TRPM3: variants seen among roughly 807,000 people sequenced by gnomAD.
TRPM3 encodes transient receptor potential cation channel subfamily M member 3, also known as long transient receptor potential channel 3.
TRPM3 carries 77 observed loss-of-function variants against 181.2 expected under a neutral mutation model. The observed-to-expected ratio is 0.42, with a 90% CI of 0.35 to 0.51. The LOEUF is 0.51. Among genes scored for constraint, TRPM3 ranks in the 20% least tolerant of loss-of-function variants. The pLI is 0.01. For synonymous variants in TRPM3, 745 were observed against 796.4 expected (o/e 0.94, Z 1.09); for missense variants, 1,759 against 2,196.7 (o/e 0.80, Z 3.98).
At chr9:71,042,528 C>T (rs867325172) in intron 1 of TRPM3, among the ~76,000 whole-genome samples, 3 of 152,010 alleles carry the variant, frequency 2.0e-5, no homozygotes, top group Non-Finnish European at 4.4e-5. Flanking sequence ...GGCAGGAACA[C>T]GCTAAGCTCC....
intron 9 of TRPM3, among the ~76,000 whole-genome samples, chr9:70,676,469 G>A (rs1249428394): frequency 6.6e-6 from 1 of 152,194 alleles, no homozygotes; most frequent in Non-Finnish European, 1.5e-5. Context: ...GCTGATGTAT[G>A]AGGGATGCTG....
intron 1 of TRPM3, among the ~76,000 whole-genome samples, chr9:71,028,744 C>A (rs2134630520): frequency 6.6e-6 from 1 of 152,190 alleles, no homozygotes; most frequent in South Asian, 2.1e-4. Context: ...GGGTTCAATT[C>A]AGCAAGAACT....
At chr9:70,957,512 CT>C (rs1394948368) in intron 1 of TRPM3, among the ~76,000 whole-genome samples, 3 of 152,122 alleles carry the variant, frequency 2.0e-5, no homozygotes, top group Non-Finnish European at 2.9e-5. Flanking sequence ...TGTATCTTTT[CT>C]TTTAAATCCT....
chr9:70,819,294 G>T (rs1347719789), intron 6 of TRPM3, among the ~76,000 whole-genome samples: 1 of 152,088 alleles, frequency 6.6e-6, no homozygotes, highest in Non-Finnish European at 1.5e-5. Flanking sequence ...GTCTCCCAGG[G>T]GAGGCACATA....
upstream of TRPM3, chr9:71,121,704 G>GT (rs2073671999): frequency 1.0e-5 from 10 of 964,124 alleles, no homozygotes; most frequent in South Asian, 3.4e-4. Context: ...TGCTAGCTTG[G>GT]TTTGGGGGGG....
chr9:71,138,958 G>C (rs1045108357), intron 1 of TRPM3, among the ~76,000 whole-genome samples: 2 of 152,094 alleles, frequency 1.3e-5, no homozygotes, highest in African/African-American at 2.4e-5. Flanking sequence ...CTTGTATAAA[G>C]AATGCCTCAT....
chr9:70,562,434 A>G (rs527335111), intron 22 of TRPM3, among the ~76,000 whole-genome samples: 101 of 152,350 alleles, frequency 6.6e-4, no homozygotes, highest in African/African-American at 1.3e-3. Context: ...ACCTGGGGAA[A>G]AAAAGGGACC....
chr9:71,011,776 T>G (rs1399233367), intron 1 of TRPM3, among the ~76,000 whole-genome samples: 1 of 129,948 alleles, frequency 7.7e-6, no homozygotes, highest in Non-Finnish European at 1.6e-5. Flanking sequence ...CATGGTTTTT[T>G]TTTTTGTTTT....
intron 7 of TRPM3, among the ~76,000 whole-genome samples, chr9:70,765,254 C>A (rs544379480): frequency 1.3e-3 from 196 of 152,248 alleles, no homozygotes; most frequent in Middle Eastern, 6.8e-3. Context: ...TAAGGGGGAA[C>A]ACTAAATGAA....
intron 1 of TRPM3, among the ~76,000 whole-genome samples, chr9:71,181,996 T>C (rs1026893936): frequency 6.6e-6 from 1 of 152,138 alleles, no homozygotes; most frequent in South Asian, 2.1e-4. Context: ...CCATGGGTCA[T>C]TGTTAGGCAT....
At chr9:71,426,316 G>T (rs1226127025) in intron 1 of TRPM3, among the ~76,000 whole-genome samples, 1 of 150,944 alleles carries the variant, frequency 6.6e-6, no homozygotes, top group Non-Finnish European at 1.5e-5. Flanking sequence ...GGTTTTTTGA[G>T]GTTTTTTTAA....
intron 12 of TRPM3, among the ~76,000 whole-genome samples, chr9:70,628,708 G>C (rs780066067): frequency 1.6e-4 from 24 of 150,378 alleles, no homozygotes; most frequent in Admixed American, 2.7e-4. Context: ...TGTAGTCTCA[G>C]CTACTCAGGA....
chr9:70,863,175 G>A, intron 2 of TRPM3, 63 bp from the exon 3 acceptor site: 1 of 1,409,600 alleles, frequency 7.1e-7, no homozygotes. Flanking sequence ...CACACTTAAG[G>A]CAACCAGCTG....
intron 1 of TRPM3, among the ~76,000 whole-genome samples, chr9:71,400,374 T>C (rs990440526): frequency 6.6e-6 from 1 of 152,190 alleles, no homozygotes; most frequent in South Asian, 2.1e-4. Context: ...GATATTTTGG[T>C]ATTATACTCA....
intron 1 of TRPM3, among the ~76,000 whole-genome samples, chr9:71,052,085 G>C (rs2060128004): frequency 6.6e-6 from 1 of 152,092 alleles, no homozygotes; most frequent in African/African-American, 2.4e-5. Flanking sequence ...AGTTCACACA[G>C]GTAGTTAATG....
At chr9:70,789,939 T>C (rs1169285585) in intron 6 of TRPM3, among the ~76,000 whole-genome samples, 1 of 152,158 alleles carries the variant, frequency 6.6e-6, no homozygotes, top group Non-Finnish European at 1.5e-5. Context: ...GGGAGAGGCA[T>C]TGTGAGGGAG....
At position 70,845,935 on chromosome 9, in the gene TRPM3, G is replaced by A. The variant is rs544686888; in HGVS notation, c.676+443C>T. ...ATAAAATATTTTAAACAATAAACAC[G>A]TAATGCCCTAGACTTTGCCTTTATG... is the stretch of plus-strand genomic sequence containing the variant. On this transcript the variant is annotated intron_variant, in intron 4 of 25. Transcript: ENST00000677713. 4.6e-5 allele frequency among the ~76,000 whole-genome samples: 7 copies of A among 152,278 alleles called. No individual in the cohort carries two copies. In the East Asian group the frequency reaches 7.7e-4, roughly 17 times the overall value.
At chr9:71,244,003 C>T (rs545742663) in intron 1 of TRPM3, among the ~76,000 whole-genome samples, 2 of 152,272 alleles carry the variant, frequency 1.3e-5, no homozygotes, top group South Asian at 4.1e-4. Context: ...CTCCAGTTCA[C>T]ATGTCTTAGA....
intron 1 of TRPM3, among the ~76,000 whole-genome samples, chr9:71,148,380 A>T (rs2075549668): frequency 6.6e-6 from 1 of 152,142 alleles, no homozygotes. Flanking sequence ...ACACCCTGGG[A>T]TCTATCATTA....
Sources: allele counts gnomAD v4.1 joint callset (sites outside exome capture counted in the v4.1 genomes callset), GRCh38; gene constraint gnomAD v4.1.1; transcripts MANE v1.5; gene names NCBI Gene and HGNC (gene_info 2026-07-23, HGNC 2026-07-21).